The following SIPA1L3 variants were observed in gnomAD, a reference collection of about 807,000 sequenced individuals.
SIPA1L3 encodes the protein signal-induced proliferation-associated 1-like protein 3.
A neutral mutation model predicts 150.1 loss-of-function variants in SIPA1L3; 59 were observed. That is an observed-to-expected ratio of 0.39 (90% CI 0.32 to 0.49). SIPA1L3 has a LOEUF of 0.49. Ranked by LOEUF, SIPA1L3 falls within the 20% of genes least tolerant of loss-of-function variation. The pLI, the probability that SIPA1L3 is intolerant of heterozygous loss-of-function variation, is 0.86. For missense variants in SIPA1L3, 2,211 were observed against 2,489.5 expected, an observed-to-expected ratio of 0.89 and a Z score of 2.38; for synonymous variants, 1,070 against 1,077.6, an observed-to-expected ratio of 0.99 and a Z score of 0.14.
In SIPA1L3 at chr19:38,110,265, GATC is replaced by G; in HGVS notation, c.2176_2178del (p.Ile726del). 1 of 1,614,110 alleles carries G rather than the reference GATC, an allele frequency of 6.2e-7. No homozygotes were observed. Among genetic ancestry groups the G allele is most frequent in the South Asian group, 1.1e-5 (1 of 91,078 alleles). ...GGCACATAGGAAATGACATCGTGAC[GATC>G]ATCTTCCAGGAGCCTGGCGCGCTAC... On this transcript the variant is annotated inframe_deletion, in exon 8 of 22. Transcript: ENST00000222345.
intron 9 of SIPA1L3, among the ~76,000 whole-genome samples, chr19:38,123,929 G>C (rs1325610836): frequency 6.9e-6 from 1 of 145,714 alleles, no homozygotes; most frequent in African/African-American, 2.6e-5. Context: ...CCGGGCAGAG[G>C]CGCCCCTCAC....
At chr19:37,949,706 A>G (rs1457098664) in intron 1 of SIPA1L3, among the ~76,000 whole-genome samples, 2 of 151,916 alleles carry the variant, frequency 1.3e-5, no homozygotes, top group Non-Finnish European at 2.9e-5. Context: ...GAAGCCTGAA[A>G]GACCCACTCC....
intron 1 of SIPA1L3, among the ~76,000 whole-genome samples, chr19:37,910,603 T>G (rs1022439064): frequency 1.3e-5 from 2 of 152,036 alleles, no homozygotes; most frequent in Non-Finnish European, 2.9e-5. Context: ...AGACTGATAT[T>G]GCTTCCTTTT....
intron 2 of SIPA1L3, among the ~76,000 whole-genome samples, chr19:38,080,556 G>A (rs1969952855): frequency 6.6e-6 from 1 of 152,162 alleles, no homozygotes; most frequent in South Asian, 2.1e-4. Flanking sequence ...TGCAGGCAGG[G>A]TAGTGCATGA....
chr19:38,101,100 A>G lies in SIPA1L3; in HGVS notation c.1903A>G (p.Ser635Gly). The change falls in exon 6 of 22, where the codon AGC becomes GGC. Residue 635 changes from serine (S) to glycine (G), a missense_variant. Ser to Gly is a moderately conservative substitution (Grantham distance 56). Around this residue, in one of 5 missense-constraint regions of SIPA1L3, gnomAD observed 625 missense variants for 804.2 expected, o/e 0.78. Coordinates refer to ENST00000222345, the MANE Select transcript of SIPA1L3 (RefSeq NM_015073.3). Reference sequence around the variant, plus strand: ...CATCCTCTATTGCAAGGCCGGCCAGAGCTCCGAGGAGGAGATGTACAACAA... The same window carrying G: ...CATCCTCTATTGCAAGGCCGGCCAGGGCTCCGAGGAGGAGATGTACAACAA... ...VGILYCKAGQ[S>G]SEEEMYNNEE... The G allele has an allele frequency of 6.2e-7, 1 of 1,602,524 alleles. No homozygotes were observed. Among genetic ancestry groups the G allele is most frequent in the Non-Finnish European group, 8.5e-7 (1 of 1,174,184 alleles).
intron 1 of SIPA1L3, among the ~76,000 whole-genome samples, chr19:37,981,693 C>T (rs535956044): frequency 2.6e-5 from 4 of 152,144 alleles, no homozygotes; most frequent in South Asian, 2.1e-4. Flanking sequence ...CAGTGCCCTT[C>T]GTTAGCTGTA....
chr19:38,167,856 C>T (rs1197341268), intron 15 of SIPA1L3, among the ~76,000 whole-genome samples: 1 of 152,196 alleles, frequency 6.6e-6, no homozygotes, highest in Admixed American at 6.5e-5. Context: ...TGAGCTACCA[C>T]ACCTGGTGAC....
intron 1 of SIPA1L3, among the ~76,000 whole-genome samples, chr19:37,957,566 C>A (rs353428): frequency 3.1e-4 from 44 of 143,280 alleles, no homozygotes; most frequent in Admixed American, 2.1e-4. Flanking sequence ...TTTCTTTTTT[C>A]TTTTCTTTTG....
chr19:38,175,723 C>G (rs1041356691), intron 15 of SIPA1L3, among the ~76,000 whole-genome samples: 5 of 152,184 alleles, frequency 3.3e-5, no homozygotes, highest in African/African-American at 1.2e-4. Context: ...CTGTCATTGC[C>G]TCATTTCTCA....
intron 8 of SIPA1L3, among the ~76,000 whole-genome samples, chr19:38,111,978 TGCACACAG>T (rs1211247577): frequency 1.8e-5 from 2 of 108,270 alleles, no homozygotes; most frequent in African/African-American, 9.5e-5. Flanking sequence ...TGCACACACA[TGCACACAG>T]GCACACACCT....
chr19:38,185,352 A>C (rs762747787), intron 16 of SIPA1L3: 1 of 152,120 alleles, frequency 6.6e-6, no homozygotes, highest in Non-Finnish European at 1.5e-5. Flanking sequence ...TAAGGCCCCC[A>C]CTTTTCAGTG....
intron 2 of SIPA1L3, among the ~76,000 whole-genome samples, chr19:38,041,310 ACT>A (rs1163061597): frequency 9.4e-6 from 1 of 105,842 alleles, no homozygotes; most frequent in African/African-American, 3.9e-5. Context: ...ATGGAGTCTC[ACT>A]CTGTCACCTA....
chr19:37,954,662 C>G (rs1450399982), intron 1 of SIPA1L3, among the ~76,000 whole-genome samples: 1 of 152,140 alleles, frequency 6.6e-6, no homozygotes, highest in East Asian at 1.9e-4. Context: ...CGTGAAGCCT[C>G]TCGGCTTTAA....
At chr19:37,929,149 A>G (rs1298426408) in intron 1 of SIPA1L3, among the ~76,000 whole-genome samples, 2 of 152,200 alleles carry the variant, frequency 1.3e-5, no homozygotes, top group Non-Finnish European at 2.9e-5. Context: ...TGCCCAGAGA[A>G]ACCAGCCAAG....
In SIPA1L3 at chr19:38,052,929, C is replaced by T. The variant is rs530205024; in HGVS notation, c.-311+23773C>T. Among the ~76,000 whole-genome samples the T allele has an allele frequency of 4.6e-5, 7 of 152,324 alleles. No individual in the cohort carries two copies. In the East Asian group the frequency reaches 5.8e-4, roughly 13 times the overall value. ...CTAAGGAAAGCCCTCCTGAGGACAC[C>T]GTGCCGGAGAGTTCTGGGTGCTGGA... On this transcript the variant is annotated intron_variant, in intron 2 of 21. Transcript: ENST00000222345.
At chr19:37,922,997 C>T (rs1350529706) in intron 1 of SIPA1L3, among the ~76,000 whole-genome samples, 4 of 150,796 alleles carry the variant, frequency 2.7e-5, no homozygotes, top group Admixed American at 6.6e-5. Context: ...ATTAGCTGGG[C>T]GTGGTGGCGG....
chr19:38,008,865 C>T (rs1220111268), intron 1 of SIPA1L3, among the ~76,000 whole-genome samples: 2 of 151,936 alleles, frequency 1.3e-5, no homozygotes, highest in Admixed American at 6.6e-5. Flanking sequence ...TGGCCACATT[C>T]CTTTTTCAAA....
chr19:38,088,905 G>A (rs1034220618), intron 4 of SIPA1L3, 54 bp downstream of exon 4: 23 of 1,593,588 alleles, frequency 1.4e-5, no homozygotes, highest in East Asian at 4.5e-5. Flanking sequence ...CTCACATCTC[G>A]AGCCAGGTTC....
chr19:38,161,106 G>A (rs551556965), intron 13 of SIPA1L3, among the ~76,000 whole-genome samples: 14 of 152,060 alleles, frequency 9.2e-5, no homozygotes, highest in Non-Finnish European at 1.3e-4. Flanking sequence ...CACTTTGGGA[G>A]GCTGAGATGG....
Sources: gnomAD v4.1 joint callset for allele counts (sites outside exome capture counted in the v4.1 genomes callset) on GRCh38, gnomAD v4.1.1 for gene constraint, gnomAD v4.1.1 regional missense constraint, MANE v1.5 for transcripts, NCBI Gene and HGNC (gene_info 2026-07-23, HGNC 2026-07-21) for gene names.